Variants in IGSF11 observed in about 807,000 individuals in gnomAD.
IGSF11 encodes immunoglobulin superfamily member 11.
In IGSF11, 22 loss-of-function variants were observed where a neutral mutation model predicts 41.0. The observed-to-expected ratio is 0.54, with a 90% CI of 0.38 to 0.77. The LOEUF (loss-of-function observed/expected upper bound fraction) is 0.77, where lower values mean the gene tolerates loss of function less well. Ranked by LOEUF, IGSF11 falls within the 30% of genes least tolerant of loss-of-function variation. The pLI, the probability that IGSF11 is intolerant of heterozygous loss-of-function variation, is 0.00. For synonymous variants in IGSF11, 219 were observed against 201.3 expected (o/e 1.09, Z -0.74); for missense variants, 444 against 530.8 (o/e 0.84, Z 1.61).
intron 1 of IGSF11, among the ~76,000 whole-genome samples, chr3:119,099,689 G>T (rs2076911332): frequency 6.6e-6 from 1 of 152,202 alleles, no homozygotes; most frequent in African/African-American, 2.4e-5. Context: ...CACAAGGGCT[G>T]GTTAGAAATC....
intron 1 of IGSF11, among the ~76,000 whole-genome samples, chr3:119,045,363 G>A (rs985235701): frequency 1.4e-4 from 22 of 152,188 alleles, no homozygotes; most frequent in South Asian, 1.0e-3. Flanking sequence ...TTCCCTTTCC[G>A]AGTCAAAGAA....
chr3:118,951,906 T>C (rs1453024242), intron 1 of IGSF11, among the ~76,000 whole-genome samples: 1 of 152,120 alleles, frequency 6.6e-6, no homozygotes, highest in African/African-American at 2.4e-5. Flanking sequence ...CAATCTGTGG[T>C]TGGTTGAATC....
intron 1 of IGSF11, among the ~76,000 whole-genome samples, chr3:119,063,958 T>C (rs1942137852): frequency 6.6e-6 from 1 of 152,192 alleles, no homozygotes; most frequent in African/African-American, 2.4e-5. Context: ...GGAAAATGTC[T>C]TGATGAGTAG....
chr3:118,940,147 C>G (rs1337586233), intron 1 of IGSF11, among the ~76,000 whole-genome samples: 1 of 152,148 alleles, frequency 6.6e-6, no homozygotes, highest in Non-Finnish European at 1.5e-5. Context: ...GAGATGTCTG[C>G]TCTTGCCACT....
At chr3:119,005,521 G>T (rs1440242834) in intron 1 of IGSF11, among the ~76,000 whole-genome samples, 2 of 144,472 alleles carry the variant, frequency 1.4e-5, no homozygotes, top group Non-Finnish European at 3.0e-5. Context: ...GTTAGCTGGT[G>T]ATTTTGCTCG....
At chr3:118,930,797 C>G (rs958894885) in intron 1 of IGSF11, among the ~76,000 whole-genome samples, 1 of 152,080 alleles carries the variant, frequency 6.6e-6, no homozygotes, top group African/African-American at 2.4e-5. Flanking sequence ...TCTTAAGATG[C>G]CAATTGTCCC....
chr3:119,052,297 T>C (rs973468703), intron 1 of IGSF11, among the ~76,000 whole-genome samples: 1 of 152,024 alleles, frequency 6.6e-6, no homozygotes, highest in African/African-American at 2.4e-5. Flanking sequence ...CTGGCCAACA[T>C]GGTGAAACTC....
At chr3:119,048,623 A>G (rs1447389598) in intron 1 of IGSF11, among the ~76,000 whole-genome samples, 51 of 152,060 alleles carry the variant, frequency 3.4e-4, no homozygotes, top group Admixed American at 4.6e-4. Context: ...TAGAAAAAGA[A>G]GGAATACTCC....
chr3:118,942,454 G>A (rs533156263), intron 1 of IGSF11, among the ~76,000 whole-genome samples: 302 of 152,222 alleles, frequency 2.0e-3, no homozygotes, highest in African/African-American at 7.1e-3. Flanking sequence ...GTTCTGTCAC[G>A]TTTCTTCTTT....
intron 4 of IGSF11, among the ~76,000 whole-genome samples, chr3:118,917,433 C>T (rs1420472729): frequency 1.4e-5 from 2 of 147,588 alleles, no homozygotes; most frequent in Non-Finnish European, 1.5e-5. Context: ...GTATCACCAC[C>T]GATCCCACAG....
intron 1 of IGSF11, among the ~76,000 whole-genome samples, chr3:119,006,900 G>C (rs1156279026): frequency 1.5e-5 from 2 of 137,828 alleles, no homozygotes; most frequent in Non-Finnish European, 3.1e-5. Context: ...GTGTGCAGAG[G>C]TTACTGCTGT....
intron 6 of IGSF11, among the ~76,000 whole-genome samples, chr3:118,903,969 G>T (rs1459060709): frequency 6.6e-6 from 1 of 152,182 alleles, no homozygotes; most frequent in East Asian, 1.9e-4. Context: ...GGAAAATGCA[G>T]GACAGACTGG....
At chr3:119,003,488 T>C (rs1250793291) in intron 1 of IGSF11, among the ~76,000 whole-genome samples, 2 of 151,074 alleles carry the variant, frequency 1.3e-5, no homozygotes, top group African/African-American at 5.0e-5. Flanking sequence ...CTGATTGCCC[T>C]GGCCAGAACT....
intron 1 of IGSF11, among the ~76,000 whole-genome samples, chr3:118,989,453 C>A (rs55983293): frequency 6.6e-6 from 1 of 152,030 alleles, no homozygotes; most frequent in Non-Finnish European, 1.5e-5. Flanking sequence ...CGCGGGTTCA[C>A]GCCATTCTCC....
At position 119,015,570 on chromosome 3, in the gene IGSF11, A is replaced by AT. The variant is rs376434507; in HGVS notation, c.52+18960dup. On this transcript the variant is annotated intron_variant, in intron 1 of 6. Transcript: ENST00000393775. ...GCCTCTATTTTAGAGGTAAGTAAACATTTTAAGAGGCAGGAACTTGAGAAA... is the reference window on the plus strand; with the variant it reads ...GCCTCTATTTTAGAGGTAAGTAAACATTTTTAAGAGGCAGGAACTTGAGAAA... Among the ~76,000 whole-genome samples, 340 of 152,298 alleles carry AT rather than the reference A, an allele frequency of 2.2e-3. 2 individuals are homozygous for AT. Among genetic ancestry groups the AT allele is most frequent in the African/African-American group, 7.9e-3 (327 of 41,558 alleles).
At chr3:119,106,483 C>A (rs373344522), upstream of IGSF11, among the ~76,000 whole-genome samples, 119 of 152,314 alleles carry the variant, frequency 7.8e-4, 1 homozygote, top group South Asian at 0.013. Flanking sequence ...TGGTTTACTT[C>A]ACCTGACATA....
At chr3:118,911,987 T>C (rs1163729323) in intron 4 of IGSF11, among the ~76,000 whole-genome samples, 2 of 152,118 alleles carry the variant, frequency 1.3e-5, no homozygotes, top group Non-Finnish European at 2.9e-5. Context: ...TATTAAATTA[T>C]GAAAGGATGA....
At chr3:119,047,531 C>A (rs1941413132) in intron 1 of IGSF11, among the ~76,000 whole-genome samples, 1 of 152,158 alleles carries the variant, frequency 6.6e-6, no homozygotes, top group South Asian at 2.1e-4. Flanking sequence ...GACTTAGACT[C>A]CCACACATTA....
At chr3:118,936,385 T>C (rs1309482789) in intron 1 of IGSF11, among the ~76,000 whole-genome samples, 1 of 151,876 alleles carries the variant, frequency 6.6e-6, no homozygotes, top group Non-Finnish European at 1.5e-5. Flanking sequence ...CAGGTGCCTG[T>C]AGTCCCAGCT....
Sources: gnomAD v4.1 joint callset for allele counts (sites outside exome capture counted in the v4.1 genomes callset) on GRCh38, gnomAD v4.1.1 for gene constraint, MANE v1.5 for transcripts, NCBI Gene and HGNC (gene_info 2026-07-23, HGNC 2026-07-21) for gene names.